Variants in NT5DC1 observed in about 807,000 individuals in gnomAD.
NT5DC1 encodes 5'-nucleotidase domain containing 1.
NT5DC1 carries 42 observed loss-of-function variants against 59.4 expected under a neutral mutation model. The ratio of observed to expected loss-of-function variants is 0.71; its 90% CI spans 0.55 to 0.92. The LOEUF is 0.92. NT5DC1 is among the 40% of genes least tolerant of loss of function. The pLI, the probability that NT5DC1 is intolerant of heterozygous loss-of-function variation, is 0.00. For synonymous variants in NT5DC1, 172 were observed against 188.1 expected, an observed-to-expected ratio of 0.91 and a Z score of 0.70; for missense variants, 501 against 537.1, an observed-to-expected ratio of 0.93 and a Z score of 0.66.
chr6:116,243,462 C>T (rs948513185), intron 11 of NT5DC1, among the ~76,000 whole-genome samples: 1 of 152,192 alleles, frequency 6.6e-6, no homozygotes, highest in Admixed American at 6.5e-5. Context: ...ATATCTAACT[C>T]TTCATCCTAA....
intron 6 of NT5DC1, among the ~76,000 whole-genome samples, chr6:116,192,012 T>A (rs1202059513): frequency 6.6e-6 from 1 of 152,068 alleles, no homozygotes; most frequent in Non-Finnish European, 1.5e-5. Context: ...GATGCAGGCT[T>A]ATGAAACTCA....
Position 116,143,545 on chromosome 6 carries a change from G to T in NT5DC1, c.529+25600G>T, listed in dbSNP as rs181201697. Among the ~76,000 whole-genome samples, 70 of 152,202 alleles carry T rather than the reference G, an allele frequency of 4.6e-4. 1 individual carries two copies. The highest frequency in any genetic ancestry group is 1.7e-3 in the African/African-American group (69 of 41,538). ...CTCTTTAATTGTTTTTGTTCAGGTT[G>T]AATTTGTTCTACTACTTAAAACTTT... On this transcript the variant is annotated intron_variant, in intron 6 of 11. Transcript: ENST00000319550.
intron 6 of NT5DC1, among the ~76,000 whole-genome samples, chr6:116,177,058 T>C (rs1488809224): frequency 3.9e-5 from 6 of 152,200 alleles, no homozygotes; most frequent in Non-Finnish European, 7.3e-5. Flanking sequence ...ATCTGAAGTT[T>C]TGATTTATAG....
chr6:116,181,831 A>G (rs184356860), intron 6 of NT5DC1, among the ~76,000 whole-genome samples: 1 of 152,196 alleles, frequency 6.6e-6, no homozygotes, highest in Admixed American at 6.6e-5. Flanking sequence ...CTTCAAATTA[A>G]TTATATAAAT....
chr6:116,242,067 T>C (rs1283028718), intron 11 of NT5DC1, among the ~76,000 whole-genome samples: 3 of 151,752 alleles, frequency 2.0e-5, no homozygotes, highest in Non-Finnish European at 4.4e-5. Flanking sequence ...ATAGCCAATT[T>C]TAAAAAAATA....
At chr6:116,181,286 A>G (rs1377403282) in intron 6 of NT5DC1, among the ~76,000 whole-genome samples, 1 of 152,082 alleles carries the variant, frequency 6.6e-6, no homozygotes, top group Admixed American at 6.6e-5. Flanking sequence ...AATACAATGT[A>G]ATATAGATAC....
intron 6 of NT5DC1, among the ~76,000 whole-genome samples, chr6:116,140,969 G>T (rs961764862): frequency 6.6e-6 from 1 of 152,084 alleles, no homozygotes; most frequent in African/African-American, 2.4e-5. Flanking sequence ...TTTCTAGGAA[G>T]TATACCTAGG....
chr6:116,162,881 A>C (rs1466232653), intron 6 of NT5DC1, among the ~76,000 whole-genome samples: 8 of 152,042 alleles, frequency 5.3e-5, no homozygotes, highest in Non-Finnish European at 1.0e-4. Context: ...TAATCCCAGC[A>C]CTTTGGGAGG....
intron 7 of NT5DC1, 143 bp from the exon 8 acceptor site, chr6:116,222,891 G>A: frequency 1.8e-6 from 1 of 565,980 alleles, no homozygotes; most frequent in Non-Finnish European, 3.1e-6. Flanking sequence ...CTTAAAGTGT[G>A]TGAGAAAAAT....
At chr6:116,147,690 C>T (rs1779933220) in intron 6 of NT5DC1, among the ~76,000 whole-genome samples, 1 of 152,058 alleles carries the variant, frequency 6.6e-6, no homozygotes, top group African/African-American at 2.4e-5. Flanking sequence ...TTTATATAAA[C>T]TTTAAAAATG....
intron 6 of NT5DC1, among the ~76,000 whole-genome samples, chr6:116,219,379 C>T (rs1436294050): frequency 6.6e-6 from 1 of 152,168 alleles, no homozygotes; most frequent in Non-Finnish European, 1.5e-5. Flanking sequence ...GTATACATTA[C>T]TTCAGGATCC....
intron 6 of NT5DC1, among the ~76,000 whole-genome samples, chr6:116,179,179 A>G (rs1780818171): frequency 6.6e-6 from 1 of 152,172 alleles, no homozygotes; most frequent in Non-Finnish European, 1.5e-5. Context: ...GAAGAATTCT[A>G]GCTTAAAAAT....
rs146389682 is a variant in NT5DC1 at position 116,101,737 on chromosome 6, T to C, written c.93+714T>C. ...GGAGGGGGACATGGAGTATGCATGC[T>C]TCCAGACCTGTACACTCAAATTAAT... On this transcript the variant is annotated intron_variant, in intron 1 of 11. Coordinates refer to ENST00000319550, the MANE Select transcript of NT5DC1 (RefSeq NM_152729.3). Among the ~76,000 whole-genome samples the C allele has an allele frequency of 3.9e-5, 6 of 152,322 alleles. No homozygotes were observed. In the East Asian group the frequency reaches 1.2e-3, roughly 29 times the overall value.
chr6:116,190,701 A>G (rs903185231), intron 6 of NT5DC1, among the ~76,000 whole-genome samples: 3 of 152,160 alleles, frequency 2.0e-5, no homozygotes, highest in South Asian at 2.1e-4. Flanking sequence ...AAAGCTGCCA[A>G]AAATGTAGTG....
chr6:116,241,960 CAAAG>C (rs1771740102), intron 11 of NT5DC1, among the ~76,000 whole-genome samples: 10 of 109,948 alleles, frequency 9.1e-5, no homozygotes, highest in African/African-American at 2.6e-4. Flanking sequence ...AAAAAAAAAA[CAAAG>C]AATCAGCAAG....
chr6:116,227,995 T>C (rs1036126306), intron 8 of NT5DC1, among the ~76,000 whole-genome samples: 7 of 152,340 alleles, frequency 4.6e-5, no homozygotes, highest in Non-Finnish European at 8.8e-5. Context: ...GCTTTTGTTG[T>C]CTGTGCATTT....
chr6:116,169,163 C>CT (rs145980956), intron 6 of NT5DC1, among the ~76,000 whole-genome samples: 4,333 of 152,190 alleles, frequency 0.028, 224 homozygotes, highest in African/African-American at 0.097. Context: ...GCTCAGCTTT[C>CT]TGGGTTTCTC....
chr6:116,125,503 G>A, intron 6 of NT5DC1: 2 of 1,612,858 alleles, frequency 1.2e-6, no homozygotes, highest in Admixed American at 3.3e-5. Context: ...ATTCTCAGAT[G>A]GATTCTGAAA....
At chr6:116,107,504 G>A (rs1719934999) in intron 2 of NT5DC1, among the ~76,000 whole-genome samples, 1 of 150,982 alleles carries the variant, frequency 6.6e-6, no homozygotes, top group Admixed American at 6.6e-5. Context: ...CAGTAAAGGA[G>A]CTAAAACAGT....
Sources: gnomAD v4.1 joint callset for allele counts (sites outside exome capture counted in the v4.1 genomes callset) on GRCh38, gnomAD v4.1.1 for gene constraint, MANE v1.5 for transcripts, NCBI Gene and HGNC (gene_info 2026-07-23, HGNC 2026-07-21) for gene names.